The following MAPRE2 variants were observed in gnomAD, a reference collection of about 807,000 sequenced individuals.
MAPRE2 encodes microtubule associated protein RP/EB family member 2.
A neutral mutation model predicts 43.2 loss-of-function variants in MAPRE2; 13 were observed. The ratio of observed to expected loss-of-function variants is 0.30; its 90% CI spans 0.20 to 0.48. The LOEUF is 0.48. MAPRE2 is among the 20% of genes least tolerant of loss of function. The pLI is 0.99. For missense variants in MAPRE2, 161 were observed against 400.2 expected, an observed-to-expected ratio of 0.40 and a Z score of 5.10; for synonymous variants, 135 against 148.8, an observed-to-expected ratio of 0.91 and a Z score of 0.68.
rs1045186715 is a variant in MAPRE2 at position 35,142,490 on chromosome 18, C to G, written c.*2121C>G. ...GCATAAGCCTCCCTGGTGACTCTTG[C>G]AGGAACCACTCCATTGCCCTCCAGC... On this transcript the variant is annotated 3_prime_UTR_variant, in exon 7 of 7. Transcript: ENST00000300249. 1.3e-5 allele frequency: 2 copies of G among 152,230 alleles called. No individual in the cohort carries two copies. The highest frequency in any genetic ancestry group is 1.3e-4 in the Admixed American group (2 of 15,278). 9.4% of individuals were successfully genotyped at this position (152,230 alleles called of 1,614,324 possible).
intron 1 of MAPRE2, chr18:34,988,487 G>A (rs556021279): frequency 1.3e-5 from 2 of 152,228 alleles, no homozygotes; most frequent in South Asian, 2.1e-4. Flanking sequence ...TAGAGAAAGC[G>A]AAGTCTGACA....
At chr18:35,009,734 T>C (rs1383261928) in intron 2 of MAPRE2, among the ~76,000 whole-genome samples, 4 of 152,204 alleles carry the variant, frequency 2.6e-5, no homozygotes, top group Admixed American at 1.3e-4. Context: ...CAGATGATGA[T>C]GGAAGTAAAT....
chr18:35,113,079 T>C (rs1909251876), intron 4 of MAPRE2, among the ~76,000 whole-genome samples: 1 of 152,196 alleles, frequency 6.6e-6, no homozygotes. Flanking sequence ...TTAATACTAC[T>C]GTGTTGGGGA....
In MAPRE2 at chr18:35,024,499, G is replaced by C. The variant is rs146580206; in HGVS notation, c.-8+18946G>C. 6.6e-4 allele frequency among the ~76,000 whole-genome samples: 100 copies of C among 152,048 alleles called. 1 individual carries two copies. The East Asian group carries it at 0.016, about 25-fold the overall frequency. ...ATTTTATGCAAATGAACCTATTTCA[G>C]TTCTATTGATAACGATATAACTTGC... is the stretch of plus-strand genomic sequence containing the variant. On this transcript the variant is annotated intron_variant, in intron 2 of 7. Coordinates refer to the MAPRE2 transcript ENST00000413393.
chr18:35,084,029 A>G (rs1440247009), intron 2 of MAPRE2, among the ~76,000 whole-genome samples: 1 of 152,228 alleles, frequency 6.6e-6, no homozygotes, highest in Non-Finnish European at 1.5e-5. Flanking sequence ...CAGCAGGCCT[A>G]ACATTTAATG....
At chr18:35,050,755 T>C (rs989411064) in intron 1 of MAPRE2, among the ~76,000 whole-genome samples, 3 of 152,208 alleles carry the variant, frequency 2.0e-5, no homozygotes, top group Admixed American at 2.0e-4. Flanking sequence ...ACCTCCCACC[T>C]TAGGGAACTT....
chr18:35,122,907 C>T (rs1206739876), intron 4 of MAPRE2, among the ~76,000 whole-genome samples: 1 of 152,260 alleles, frequency 6.6e-6, no homozygotes, highest in African/African-American at 2.4e-5. Flanking sequence ...AAGTTGGGCT[C>T]TGTTAACAGA....
intron 5 of MAPRE2, among the ~76,000 whole-genome samples, chr18:35,128,560 A>C (rs1910007760): frequency 6.6e-6 from 1 of 152,218 alleles, no homozygotes; most frequent in South Asian, 2.1e-4. Context: ...AGTAATGTAG[A>C]GATAATTTAA....
At chr18:34,982,692 A>G (rs1476978320) in intron 1 of MAPRE2, among the ~76,000 whole-genome samples, 2 of 152,216 alleles carry the variant, frequency 1.3e-5, no homozygotes, top group African/African-American at 4.8e-5. Flanking sequence ...TTTGCTTCCA[A>G]TAAACCTAAT....
chr18:35,059,946 C>G (rs1214263105), intron 1 of MAPRE2, among the ~76,000 whole-genome samples: 1 of 152,148 alleles, frequency 6.6e-6, no homozygotes, highest in Non-Finnish European at 1.5e-5. Flanking sequence ...AGCTCAGAAC[C>G]AGGAGGTGGG....
chr18:35,079,513 C>G (rs1027347969), intron 2 of MAPRE2, among the ~76,000 whole-genome samples: 3 of 152,202 alleles, frequency 2.0e-5, no homozygotes, highest in Non-Finnish European at 4.4e-5. Flanking sequence ...CCATCCAGCT[C>G]TATCCCTTCA....
At chr18:35,059,408 G>A (rs1906404311) in intron 1 of MAPRE2, among the ~76,000 whole-genome samples, 1 of 151,950 alleles carries the variant, frequency 6.6e-6, no homozygotes. Flanking sequence ...AGCACTAGGG[G>A]CACGTATTGA....
intron 5 of MAPRE2, among the ~76,000 whole-genome samples, chr18:35,128,015 C>T (rs1909983331): frequency 6.6e-6 from 1 of 152,188 alleles, no homozygotes; most frequent in South Asian, 2.1e-4. Flanking sequence ...AGGCTGTTCC[C>T]AGCCGCTCAC....
intron 4 of MAPRE2, among the ~76,000 whole-genome samples, chr18:35,111,688 T>G (rs977510675): frequency 6.6e-6 from 1 of 152,234 alleles, no homozygotes; most frequent in African/African-American, 2.4e-5. Flanking sequence ...TGTGCCTTTA[T>G]GCAAGACTTC....
chr18:35,059,187 C>T (rs1179583062), intron 1 of MAPRE2, among the ~76,000 whole-genome samples: 1 of 152,112 alleles, frequency 6.6e-6, no homozygotes, highest in African/African-American at 2.4e-5. Flanking sequence ...CACATGTGCC[C>T]ACATTTATCC....
At chr18:35,034,086 G>T (rs1192215256) in intron 2 of MAPRE2, among the ~76,000 whole-genome samples, 2 of 152,136 alleles carry the variant, frequency 1.3e-5, no homozygotes, top group Non-Finnish European at 2.9e-5. Flanking sequence ...CAAAGCTGGA[G>T]GCATCATGCT....
At chr18:35,096,382 G>C (rs1217409738) in intron 2 of MAPRE2, among the ~76,000 whole-genome samples, 1 of 152,164 alleles carries the variant, frequency 6.6e-6, no homozygotes, top group African/African-American at 2.4e-5. Context: ...AATCATTCTG[G>C]CTTCCAGCTT....
rs1330374221 is a variant in MAPRE2 at position 34,982,166 on chromosome 18, A to G, written c.-70+5087A>G. ...CCAGAATGCTGGGATTACAGGCGTG[A>G]GTCACTGCGCCCGGCCAACTTTATT... On this transcript the variant is annotated intron_variant, in intron 1 of 7. Coordinates refer to the MAPRE2 transcript ENST00000413393. 3.3e-5 allele frequency among the ~76,000 whole-genome samples: 5 copies of G among 152,164 alleles called. No individual in the cohort carries two copies. In the East Asian group the frequency reaches 9.6e-4, roughly 29 times the overall value.
chr18:35,092,273 T>G (rs1908188863), intron 2 of MAPRE2, among the ~76,000 whole-genome samples: 1 of 152,120 alleles, frequency 6.6e-6, no homozygotes, highest in Non-Finnish European at 1.5e-5. Flanking sequence ...AATAGATACA[T>G]AGAACAATCC....
Sources: allele counts gnomAD v4.1 joint callset (sites outside exome capture counted in the v4.1 genomes callset), GRCh38; gene constraint gnomAD v4.1.1; transcripts MANE v1.5; gene names NCBI Gene and HGNC (gene_info 2026-07-23, HGNC 2026-07-21).